RLN2: variants seen among roughly 807,000 people sequenced by gnomAD.
RLN2 encodes the protein relaxin 2.
Under a neutral mutation model 7.3 loss-of-function variants are expected in RLN2, and 10 were observed. The observed-to-expected ratio is 1.36, with a 90% CI of 0.84 to 2.31. The LOEUF (loss-of-function observed/expected upper bound fraction) is 2.31, where lower values mean the gene tolerates loss of function less well. Ranked by LOEUF, RLN2 falls within the 30% of genes most tolerant of loss-of-function variation. RLN2 has a pLI of 0.00. For missense variants in RLN2, 298 were observed against 217.6 expected (o/e 1.37, Z -2.32); for synonymous variants, 103 against 82.3 (o/e 1.25, Z -1.36).
the RLN2 span, among the ~76,000 whole-genome samples, chr9:5,324,139 A>G: frequency 6.6e-6 from 1 of 152,074 alleles, no homozygotes; most frequent in East Asian, 1.9e-4. Context: ...AAAAAAAATC[A>G]CCAATATTTG....
In RLN2 at chr9:5,304,369, C is replaced by T; in HGVS notation, c.211+1G>A. On this transcript the variant is annotated splice_donor_variant, in intron 1 of 1. Coordinates refer to ENST00000381627, the MANE Select transcript of RLN2 (RefSeq NM_134441.3). LOFTEE classifies it high-confidence loss of function. The stretch of plus-strand genomic sequence containing the variant: ...GGCCGGGAGGGGGCGGGAGCTCTCA[C>T]CTGCCACTGGTCTAGGTGTCTGAGG... 4 of 1,590,294 alleles carry T rather than the reference C, an allele frequency of 2.5e-6. No individual in the cohort carries two copies. The highest frequency in any genetic ancestry group is 2.6e-6 in the Non-Finnish European group (3 of 1,168,942).
rs147035692 is a variant in RLN2, at chr9:5,301,011, C to A, written c.212-567G>T. On this transcript the variant is annotated intron_variant, in intron 1 of 1. Coordinates refer to ENST00000381627, the MANE Select transcript of RLN2 (RefSeq NM_134441.3). ...GAAAGAAGTCTCTGATGTTCCTTAA[C>A]CATCTATTTAACAATTTGTCTTCCC... Among the ~76,000 whole-genome samples the A allele has an allele frequency of 1.0e-3, 152 of 152,272 alleles. No individual in the cohort carries two copies. In the East Asian group the frequency reaches 0.021, roughly 21 times the overall value.
chr9:5,321,591 C>T, the RLN2 span, among the ~76,000 whole-genome samples: 1 of 150,146 alleles, frequency 6.7e-6, no homozygotes, highest in African/African-American at 2.5e-5. Context: ...GGAAATAAGG[C>T]AGGAAGGAAG....
chr9:5,330,637 C>CAAA, the RLN2 span, among the ~76,000 whole-genome samples: 16 of 74,686 alleles, frequency 2.1e-4, no homozygotes, highest in African/African-American at 5.8e-4. Context: ...GACTCCATCT[C>CAAA]AAAAAAAAAA....
At chr9:5,306,251 G>A (rs780979015), upstream of RLN2, among the ~76,000 whole-genome samples, 7 of 151,574 alleles carry the variant, frequency 4.6e-5, no homozygotes, top group Non-Finnish European at 7.4e-5. Flanking sequence ...GGGATTACAG[G>A]TGTGCACCAC....
At chr9:5,317,345 G>T in the RLN2 span, among the ~76,000 whole-genome samples, 1 of 151,518 alleles carries the variant, frequency 6.6e-6, no homozygotes, top group African/African-American at 2.4e-5. Context: ...CACATACCCT[G>T]GGAGGCTGAA....
At chr9:5,320,030 G>A in the RLN2 span, among the ~76,000 whole-genome samples, 2 of 148,606 alleles carry the variant, frequency 1.3e-5, no homozygotes, top group Non-Finnish European at 3.0e-5. Flanking sequence ...CTGTCACCCA[G>A]ACCAGAGTGA....
the RLN2 span, among the ~76,000 whole-genome samples, chr9:5,334,607 C>T: frequency 6.6e-6 from 1 of 151,950 alleles, no homozygotes; most frequent in Non-Finnish European, 1.5e-5. Flanking sequence ...GTTCTCTCCT[C>T]CATTATGTCT....
chr9:5,322,061 G>A, the RLN2 span, among the ~76,000 whole-genome samples: 8 of 152,056 alleles, frequency 5.3e-5, no homozygotes, highest in Admixed American at 1.3e-4. Context: ...GCCCAAATCC[G>A]AATGGATGGG....
chr9:5,314,806 T>C, the RLN2 span, among the ~76,000 whole-genome samples: 1 of 152,032 alleles, frequency 6.6e-6, no homozygotes, highest in Non-Finnish European at 1.5e-5. Flanking sequence ...GGGATACTTC[T>C]ATGTCCCACT....
chr9:5,319,710 G>C, the RLN2 span, among the ~76,000 whole-genome samples: 1 of 151,944 alleles, frequency 6.6e-6, no homozygotes, highest in Non-Finnish European at 1.5e-5. Context: ...TGAATTACTG[G>C]TATTTCAATT....
chr9:5,304,095 C>T, intron 1 of RLN2: 1 of 286,368 alleles, frequency 3.5e-6, no homozygotes, highest in South Asian at 2.3e-5. Flanking sequence ...GACTGCCTTA[C>T]GGAAAGGGCA....
the RLN2 span, among the ~76,000 whole-genome samples, chr9:5,337,065 A>G: frequency 6.6e-6 from 1 of 152,082 alleles, no homozygotes; most frequent in East Asian, 1.9e-4. Context: ...GCTCATCCAC[A>G]TTCTAAACTG....
chr9:5,333,412 G>A, the RLN2 span, among the ~76,000 whole-genome samples: 52 of 151,998 alleles, frequency 3.4e-4, no homozygotes, highest in Non-Finnish European at 5.7e-4. Flanking sequence ...CAAATAAACT[G>A]GAAAATCTAG....
chr9:5,332,818 T>A, the RLN2 span, among the ~76,000 whole-genome samples: 5 of 151,974 alleles, frequency 3.3e-5, no homozygotes, highest in South Asian at 2.1e-4. Context: ...GGTTTCACCA[T>A]GTTAGCCAGG....
chr9:5,329,946 A>G, the RLN2 span, among the ~76,000 whole-genome samples: 1 of 152,122 alleles, frequency 6.6e-6, no homozygotes, highest in African/African-American at 2.4e-5. Flanking sequence ...CCCCAAATCA[A>G]CAGAATATAC....
At chr9:5,302,119 T>TA (rs1357619330) in intron 1 of RLN2, among the ~76,000 whole-genome samples, 1 of 152,222 alleles carries the variant, frequency 6.6e-6, no homozygotes, top group Non-Finnish European at 1.5e-5. Context: ...CCAAAACAGT[T>TA]ATAGTTTGTA....
intron 1 of RLN2, 135 bp downstream of exon 1, chr9:5,304,235 G>A (rs1023039270): frequency 6.6e-6 from 4 of 604,292 alleles, no homozygotes; most frequent in African/African-American, 2.5e-5. Context: ...GACCAGCCAC[G>A]GCTGAGTAGG....
the RLN2 span, among the ~76,000 whole-genome samples, chr9:5,331,075 A>G: frequency 1.6e-4 from 25 of 152,144 alleles, no homozygotes; most frequent in Admixed American, 1.4e-3. Flanking sequence ...GAATACACCA[A>G]TAACAGGTTC....
Sources: gnomAD v4.1 joint callset for allele counts (sites outside exome capture counted in the v4.1 genomes callset) on GRCh38, gnomAD v4.1.1 for gene constraint, MANE v1.5 for transcripts, NCBI Gene and HGNC (gene_info 2026-07-23, HGNC 2026-07-21) for gene names.